STARD13: variants seen among roughly 807,000 people sequenced by gnomAD.
The protein encoded by STARD13 is stAR-related lipid transfer protein 13.
In STARD13, 62 loss-of-function variants were observed where a neutral mutation model predicts 106.4. The ratio of observed to expected loss-of-function variants is 0.58; its 90% CI spans 0.48 to 0.72. The LOEUF (loss-of-function observed/expected upper bound fraction) is 0.72. Among genes scored for constraint, STARD13 ranks in the 30% least tolerant of loss-of-function variants. The pLI is 0.00. For missense variants in STARD13, 1,387 were observed against 1,424.0 expected (o/e 0.97, Z 0.42); for synonymous variants, 565 against 553.0 (o/e 1.02, Z -0.31).
the STARD13 span, among the ~76,000 whole-genome samples, chr13:33,596,223 G>A: frequency 6.6e-6 from 1 of 152,136 alleles, no homozygotes. Flanking sequence ...TAATTGTTTG[G>A]TGTTTTCATC....
the STARD13 span, among the ~76,000 whole-genome samples, chr13:33,662,368 A>T: frequency 5.9e-5 from 9 of 152,212 alleles, no homozygotes; most frequent in Non-Finnish European, 8.8e-5. Flanking sequence ...GATTGTATAT[A>T]GACACTTTAC....
chr13:33,408,121 G>A, the STARD13 span, among the ~76,000 whole-genome samples: 5 of 152,038 alleles, frequency 3.3e-5, no homozygotes, highest in East Asian at 1.9e-4. Flanking sequence ...AGGTGAATCC[G>A]TGTGATAGCT....
chr13:33,373,274 A>G, the STARD13 span, among the ~76,000 whole-genome samples: 1 of 152,184 alleles, frequency 6.6e-6, no homozygotes, highest in Non-Finnish European at 1.5e-5. Flanking sequence ...ATTGTTCACA[A>G]TTATATTTGG....
intron 5 of STARD13, 68 bp from the exon 6 acceptor site, chr13:33,127,614 C>T (rs1470381861): frequency 1.7e-5 from 25 of 1,437,822 alleles, no homozygotes; most frequent in Admixed American, 8.2e-5. Context: ...CACGGGACAT[C>T]ACCAAGGTAC....
chr13:33,103,204 TTGA>T lies in STARD13; in HGVS notation c.*2386_*2388del, dbSNP rs1211385255. 3 of 152,642 alleles carry T rather than the reference TTGA, an allele frequency of 2.0e-5. No individual in the cohort carries two copies. Among genetic ancestry groups the T allele is most frequent in the South Asian group, 4.1e-4 (2 of 4,836 alleles). The allele number at this position is 152,642 out of a possible 1,614,324, so 9.5% of individuals were successfully genotyped here. Reference sequence around the variant, plus strand: ...TGCCTTGGCAATTATTTATTTACAATTGATGATTGATATCAACAATTGAGGTAA... The same window carrying T: ...TGCCTTGGCAATTATTTATTTACAATTGATTGATATCAACAATTGAGGTAA... On this transcript the variant is annotated 3_prime_UTR_variant, in exon 14 of 14. Coordinates refer to ENST00000336934, the MANE Select transcript of STARD13 (RefSeq NM_178006.4).
At chr13:33,295,743 T>C (rs1052642101) in intron 1 of STARD13, among the ~76,000 whole-genome samples, 2 of 151,888 alleles carry the variant, frequency 1.3e-5, no homozygotes, top group African/African-American at 4.8e-5. Context: ...CAGAACAGAA[T>C]AGAGGTATTC....
At chr13:33,191,349 T>C (rs193043720) in intron 1 of STARD13, among the ~76,000 whole-genome samples, 2 of 152,368 alleles carry the variant, frequency 1.3e-5, no homozygotes, top group African/African-American at 4.8e-5. Context: ...GGCACAAAAC[T>C]TTACCCTATC....
At chr13:33,516,942 GAA>G in the STARD13 span, among the ~76,000 whole-genome samples, 938 of 115,562 alleles carry the variant, frequency 8.1e-3, 10 homozygotes, top group African/African-American at 0.023. Flanking sequence ...CCTTGTCTCA[GAA>G]AAAAAAAAAA....
At chr13:33,439,955 T>C in the STARD13 span, among the ~76,000 whole-genome samples, 3 of 152,176 alleles carry the variant, frequency 2.0e-5, no homozygotes, top group Admixed American at 2.0e-4. Context: ...GCATTAAATG[T>C]ATTTTTCTCT....
chr13:33,669,830 G>A, the STARD13 span, among the ~76,000 whole-genome samples: 110 of 152,168 alleles, frequency 7.2e-4, no homozygotes, highest in African/African-American at 2.4e-3. Context: ...CACCACACCC[G>A]GCCAGAAGAG....
At chr13:33,675,706 G>A in the STARD13 span, among the ~76,000 whole-genome samples, 3 of 152,298 alleles carry the variant, frequency 2.0e-5, no homozygotes, top group African/African-American at 4.8e-5. Flanking sequence ...TAAAGGCAAA[G>A]GAGGAGAGTA....
chr13:33,271,365 G>A (rs1260802001), intron 1 of STARD13: 1 of 152,238 alleles, frequency 6.6e-6, no homozygotes, highest in Admixed American at 6.5e-5. Context: ...ACTCCCTAGT[G>A]TCAGAAAAGG....
At chr13:33,381,044 T>G in the STARD13 span, among the ~76,000 whole-genome samples, 1 of 152,202 alleles carries the variant, frequency 6.6e-6, no homozygotes, top group African/African-American at 2.4e-5. Flanking sequence ...GACTGACTTT[T>G]TTCTAATTTT....
the STARD13 span, among the ~76,000 whole-genome samples, chr13:33,441,787 C>G: frequency 6.6e-6 from 1 of 152,238 alleles, no homozygotes; most frequent in Non-Finnish European, 1.5e-5. Flanking sequence ...TCCCTATATT[C>G]TACGCCTGTG....
chr13:33,395,635 A>C, the STARD13 span, among the ~76,000 whole-genome samples: 1 of 152,158 alleles, frequency 6.6e-6, no homozygotes, highest in Non-Finnish European at 1.5e-5. Flanking sequence ...TTCCCACTCT[A>C]CTAATTTGGT....
chr13:33,507,359 T>C, the STARD13 span, among the ~76,000 whole-genome samples: 2 of 152,202 alleles, frequency 1.3e-5, no homozygotes, highest in Non-Finnish European at 2.9e-5. Flanking sequence ...TAAAATATTC[T>C]AATTACATTA....
chr13:33,196,718 A>G (rs557541518), intron 1 of STARD13, among the ~76,000 whole-genome samples: 1 of 152,354 alleles, frequency 6.6e-6, no homozygotes, highest in East Asian at 1.9e-4. Context: ...GAGGAACCAC[A>G]AAGAGAAAAT....
chr13:33,321,977 A>C (rs1893577462), intron 1 of STARD13, among the ~76,000 whole-genome samples: 1 of 152,362 alleles, frequency 6.6e-6, no homozygotes, highest in African/African-American at 2.4e-5. Flanking sequence ...ACTAAAAATC[A>C]GAGTCTGCGT....
chr13:33,501,078 C>CTTTTTTTTT, the STARD13 span, among the ~76,000 whole-genome samples: 7 of 94,096 alleles, frequency 7.4e-5, 1 homozygote, highest in East Asian at 3.2e-4. Flanking sequence ...TCTCTCTCTC[C>CTTTTTTTTT]TTTTTTTTTT....
Sources: gnomAD v4.1 joint callset for allele counts (sites outside exome capture counted in the v4.1 genomes callset) on GRCh38, gnomAD v4.1.1 for gene constraint, MANE v1.5 for transcripts, NCBI Gene and HGNC (gene_info 2026-07-23, HGNC 2026-07-21) for gene names.